Variants in CDH6 observed in about 807,000 individuals in gnomAD.
CDH6 encodes cadherin-6.
Under a neutral mutation model 78.0 loss-of-function variants are expected in CDH6, and 31 were observed. The ratio of observed to expected loss-of-function variants is 0.40; its 90% CI spans 0.30 to 0.54. The LOEUF (loss-of-function observed/expected upper bound fraction) is 0.54. Ranked by LOEUF, CDH6 falls within the 20% of genes least tolerant of loss-of-function variation. The pLI, the probability that CDH6 is intolerant of heterozygous loss-of-function variation, is 0.56. For missense variants in CDH6, 724 were observed against 975.9 expected (o/e 0.74, Z 3.44); for synonymous variants, 376 against 368.8 (o/e 1.02, Z -0.23).
chr5:31,214,757 G>T (rs1740818853), intron 1 of CDH6, among the ~76,000 whole-genome samples: 1 of 152,134 alleles, frequency 6.6e-6, no homozygotes, highest in South Asian at 2.1e-4. Context: ...AATTTTGAAT[G>T]ATTTCATACT....
intron 1 of CDH6, among the ~76,000 whole-genome samples, chr5:31,256,236 G>T (rs534605238): frequency 6.6e-6 from 1 of 152,190 alleles, no homozygotes; most frequent in Admixed American, 6.5e-5. Flanking sequence ...AGGAACGGTC[G>T]GTAAGTAATG....
At chr5:31,319,648 G>A (rs781138696) in intron 11 of CDH6, among the ~76,000 whole-genome samples, 1 of 152,180 alleles carries the variant, frequency 6.6e-6, no homozygotes, top group South Asian at 2.1e-4. Flanking sequence ...AATGCAGGGC[G>A]ATTTCCAGGC....
At chr5:31,216,160 G>C (rs1228319984) in intron 1 of CDH6, among the ~76,000 whole-genome samples, 1 of 151,724 alleles carries the variant, frequency 6.6e-6, no homozygotes, top group Non-Finnish European at 1.5e-5. Context: ...AAAACTTAGG[G>C]TCTGTTCTAA....
chr5:31,257,438 C>G (rs1171680106), intron 1 of CDH6, among the ~76,000 whole-genome samples: 1 of 152,226 alleles, frequency 6.6e-6, no homozygotes, highest in Non-Finnish European at 1.5e-5. Context: ...GCTAGGATTA[C>G]AGGCGTGAGC....
intron 1 of CDH6, among the ~76,000 whole-genome samples, chr5:31,237,748 A>AT (rs201724526): frequency 8.6e-5 from 13 of 151,940 alleles, no homozygotes; most frequent in South Asian, 8.3e-4. Context: ...TTCCTTTCAC[A>AT]TTTTTTTTCC....
At chr5:31,297,213 C>A in intron 3 of CDH6, 76 bp from the exon 4 acceptor site, 2 of 1,245,176 alleles carry the variant, frequency 1.6e-6, no homozygotes, top group Non-Finnish European at 2.3e-6. Flanking sequence ...AAATTAAGAT[C>A]GTGCTGGTTT....
In CDH6 at chr5:31,294,205, A is replaced by G; in HGVS notation, c.472A>G (p.Ile158Val). Reference sequence around the variant, plus strand: ...CCATGACATCAATGACAATGAACCAATATTCACCAAGGAGGTTTACACAGC... The same window carrying G: ...CCATGACATCAATGACAATGAACCAGTATTCACCAAGGAGGTTTACACAGC... ...KIHDINDNEP[I>V]FTKEVYTATV... Residue 158 changes from isoleucine to valine, a missense_variant, in exon 3 of 12, where the codon ATA becomes GTA. This residue lies in a region of CDH6 where 446 missense variants were observed against 684.5 expected (regional missense o/e 0.65). Transcript: ENST00000265071. This position sits in a 1 kb window ranked among gnomAD's most constrained non-coding sequence, Gnocchi z 4.1. 8 of 1,613,964 alleles carry G rather than the reference A, an allele frequency of 5.0e-6. No individual in the cohort carries two copies. The highest frequency in any genetic ancestry group is 6.8e-6 in the Non-Finnish European group (8 of 1,179,910).
Position 31,323,397 on chromosome 5 carries a change from T to G in CDH6, c.*89T>G. On this transcript the variant is annotated 3_prime_UTR_variant, in exon 12 of 12. Transcript: ENST00000265071. ...TTATCCACTACTCCGTGAAGGCTTC[T>G]CTGTTCTACCCGTTCCAAAAGCCAA... 6.9e-7 allele frequency: 1 copy of G among 1,444,230 alleles called. No homozygotes were observed. The highest frequency in any genetic ancestry group is 9.4e-7 in the Non-Finnish European group (1 of 1,062,758). 89.5% of individuals were successfully genotyped at this position (1,444,230 alleles called of 1,614,324 possible).
chr5:31,212,870 G>A (rs2111810178), intron 1 of CDH6, among the ~76,000 whole-genome samples: 1 of 152,222 alleles, frequency 6.6e-6, no homozygotes, highest in Non-Finnish European at 1.5e-5. Flanking sequence ...AGTTGAAGCT[G>A]CTTTTCTAGC....
intron 1 of CDH6, among the ~76,000 whole-genome samples, chr5:31,219,822 C>T (rs185097540): frequency 1.3e-5 from 2 of 152,206 alleles, no homozygotes; most frequent in East Asian, 3.9e-4. Flanking sequence ...GTTAAAAATT[C>T]AAGTGACTTC....
At chr5:31,218,811 A>G (rs1740933574) in intron 1 of CDH6, among the ~76,000 whole-genome samples, 2 of 152,192 alleles carry the variant, frequency 1.3e-5, no homozygotes. Flanking sequence ...AAGTCAGAGC[A>G]TGTTACTCCT....
chr5:31,204,466 G>A (rs1740458370), intron 1 of CDH6, among the ~76,000 whole-genome samples: 1 of 152,168 alleles, frequency 6.6e-6, no homozygotes, highest in African/African-American at 2.4e-5. Flanking sequence ...AAGCAACTGA[G>A]TTTAATTTGA....
intron 1 of CDH6, among the ~76,000 whole-genome samples, chr5:31,225,355 C>T (rs1406538340): frequency 6.6e-6 from 1 of 152,182 alleles, no homozygotes; most frequent in East Asian, 1.9e-4. Context: ...GATATTATTA[C>T]TCTTACTATA....
intron 1 of CDH6, among the ~76,000 whole-genome samples, chr5:31,246,640 A>C (rs1431841334): frequency 6.6e-6 from 1 of 152,248 alleles, no homozygotes; most frequent in Non-Finnish European, 1.5e-5. Context: ...TGAGGGGCAA[A>C]CATGATTTTG....
intron 5 of CDH6, among the ~76,000 whole-genome samples, chr5:31,300,424 G>C (rs1206713816): frequency 6.6e-6 from 1 of 151,866 alleles, no homozygotes; most frequent in Non-Finnish European, 1.5e-5. Flanking sequence ...CTTCCTTTAG[G>C]GTAGAGCTAT....
At chr5:31,258,639 A>T (rs148778089) in intron 1 of CDH6, among the ~76,000 whole-genome samples, 7,840 of 149,872 alleles carry the variant, frequency 0.052, 585 homozygotes, top group African/African-American at 0.16. Context: ...AGTATAATTT[A>T]AAAAAAAAAG....
intron 1 of CDH6, among the ~76,000 whole-genome samples, chr5:31,264,732 C>T (rs544654463): frequency 6.7e-4 from 102 of 152,036 alleles, no homozygotes; most frequent in Non-Finnish European, 1.1e-3. Context: ...AAGGATGCAC[C>T]CTGTCAAGTT....
chr5:31,320,393 T>C (rs540733605), intron 11 of CDH6, among the ~76,000 whole-genome samples: 1 of 152,318 alleles, frequency 6.6e-6, no homozygotes, highest in Admixed American at 6.5e-5. Context: ...AAGCTATAGA[T>C]ACCTTAAGCC....
chr5:31,196,628 T>G (rs1365588924), intron 1 of CDH6, among the ~76,000 whole-genome samples: 1 of 152,162 alleles, frequency 6.6e-6, no homozygotes, highest in African/African-American at 2.4e-5. Context: ...TATAACAACT[T>G]TTTCTCTGTA....
Sources: allele counts gnomAD v4.1 joint callset (sites outside exome capture counted in the v4.1 genomes callset), GRCh38; gene constraint gnomAD v4.1.1; regional missense constraint gnomAD v4.1.1; non-coding constraint Gnocchi (gnomAD v3.1); transcripts MANE v1.5; gene names NCBI Gene and HGNC (gene_info 2026-07-23, HGNC 2026-07-21).